The following RAB23 variants were observed in gnomAD, a reference collection of about 807,000 sequenced individuals.
The protein encoded by RAB23 is RAB23, member RAS oncogene family, also known as ras-related protein Rab-23.
A neutral mutation model predicts 30.0 loss-of-function variants in RAB23; 15 were observed. The observed-to-expected ratio is 0.50, with a 90% CI of 0.33 to 0.77. The LOEUF (loss-of-function observed/expected upper bound fraction) is 0.77, where lower values mean the gene tolerates loss of function less well. Among genes scored for constraint, RAB23 ranks in the 30% least tolerant of loss-of-function variants. The pLI, the probability that RAB23 is intolerant of heterozygous loss-of-function variation, is 0.02. For missense variants in RAB23, 243 were observed against 275.4 expected (o/e 0.88, Z 0.83); for synonymous variants, 93 against 94.0 (o/e 0.99, Z 0.06).
intron 6 of RAB23, among the ~76,000 whole-genome samples, 180 bp from the exon 7 acceptor site, chr6:57,190,780 A>G (rs1764810966): frequency 6.6e-6 from 1 of 152,212 alleles, no homozygotes; most frequent in Non-Finnish European, 1.5e-5. Flanking sequence ...GTGGTATTAA[A>G]TACATTTGTA....
chr6:57,215,187 A>C (rs1765792727), intron 1 of RAB23, among the ~76,000 whole-genome samples: 1 of 152,198 alleles, frequency 6.6e-6, no homozygotes, highest in African/African-American at 2.4e-5. Context: ...AAAATCAGAT[A>C]TTTCTGTCAT....
chr6:57,210,725 CCTGATTATTTAAAGGTGCCACTTACTAGT>C (rs1011423639), intron 1 of RAB23, among the ~76,000 whole-genome samples: 19 of 152,270 alleles, frequency 1.2e-4, no homozygotes, highest in South Asian at 4.1e-4. Flanking sequence ...AGATTTGATG[CCTGATTATTTAAAGGTGCCACTTACTAGT>C]TCTGTGCTCT....
chr6:57,192,709 G>GA (rs1247203533), intron 6 of RAB23, among the ~76,000 whole-genome samples: 3 of 152,138 alleles, frequency 2.0e-5, no homozygotes, highest in African/African-American at 7.2e-5. Flanking sequence ...ACAACACAGT[G>GA]AGACTCTGTT....
chr6:57,208,589 T>C (rs1308477031), intron 2 of RAB23, among the ~76,000 whole-genome samples: 1 of 128,532 alleles, frequency 7.8e-6, no homozygotes, highest in Non-Finnish European at 1.5e-5. Flanking sequence ...GGAGCACCAC[T>C]GCAGTCCAGC....
intron 6 of RAB23, among the ~76,000 whole-genome samples, chr6:57,193,085 G>A (rs1764901529): frequency 6.6e-6 from 1 of 151,782 alleles, no homozygotes; most frequent in Non-Finnish European, 1.5e-5. Flanking sequence ...ATATGAAGAA[G>A]ACAAAAGGGG....
At chr6:57,195,249 A>T (rs1764979944) in intron 4 of RAB23, among the ~76,000 whole-genome samples, 1 of 152,200 alleles carries the variant, frequency 6.6e-6, no homozygotes, top group Non-Finnish European at 1.5e-5. Flanking sequence ...CCTGTAGTTA[A>T]TTACACTCTG....
chr6:57,194,680 C>A, intron 5 of RAB23, 90 bp downstream of exon 5: 1 of 976,524 alleles, frequency 1.0e-6, no homozygotes, highest in South Asian at 1.6e-5. Flanking sequence ...ATCTTGTTCT[C>A]GTTATAAATA....
rs764796730 is a variant in RAB23 at position 57,196,467 on chromosome 6, A to G, written c.381T>C (p.Asp127=). ...VLVQNKIDLL[D]DSCIKNEEAE... Reference sequence around the variant, plus strand: ...CATCTTACTTCTTTATACAAGAATCATCCAGAAGATCAATCTTGTTTTGCA... The same window carrying G: ...CATCTTACTTCTTTATACAAGAATCGTCCAGAAGATCAATCTTGTTTTGCA... The change falls in exon 4 of 7, where the codon GAT becomes GAC. Residue 127 remains aspartate, a synonymous_variant. Coordinates refer to ENST00000468148, the MANE Select transcript of RAB23 (RefSeq NM_016277.5). 1 of 1,614,020 alleles carries G rather than the reference A, an allele frequency of 6.2e-7. No individual in the cohort carries two copies. The highest frequency in any genetic ancestry group is 8.5e-7 in the Non-Finnish European group (1 of 1,179,930).
intron 3 of RAB23, among the ~76,000 whole-genome samples, chr6:57,198,709 A>G (rs1043853067): frequency 1.3e-5 from 2 of 152,048 alleles, no homozygotes; most frequent in Admixed American, 6.6e-5. Flanking sequence ...GTTCTTTATC[A>G]TAAAACTCAA....
At chr6:57,197,089 T>G (rs141754293) in intron 3 of RAB23, among the ~76,000 whole-genome samples, 2 of 152,306 alleles carry the variant, frequency 1.3e-5, no homozygotes, top group African/African-American at 4.8e-5. Flanking sequence ...TCAGCGCAGA[T>G]TTAAGAAAAA....
rs1765025510 is a variant in RAB23, at chr6:57,196,462, G to T, written c.386C>A (p.Ser129Tyr). 2 of 1,613,770 alleles carry T rather than the reference G, an allele frequency of 1.2e-6. No individual in the cohort carries two copies. Among genetic ancestry groups the T allele is most frequent in the Admixed American group, 3.3e-5 (2 of 59,988 alleles). The change falls in exon 4 of 7, where the codon TCT becomes TAT. Residue 129 changes from serine (S) to tyrosine (Y), a missense_variant. Coordinates refer to ENST00000468148, the MANE Select transcript of RAB23 (RefSeq NM_016277.5). ...VQNKIDLLDD[S>Y]CIKNEEAEAL... ...GTAGCCATCTTACTTCTTTATACAA[G>T]AATCATCCAGAAGATCAATCTTGTT... is the stretch of plus-strand genomic sequence containing the variant.
Position 57,188,554 on chromosome 6 carries a change from T to TTA in RAB23, c.*1905_*1906dup, listed in dbSNP as rs1390079473. 1.3e-5 allele frequency: 2 copies of TTA among 152,120 alleles called. No individual in the cohort carries two copies. The highest frequency in any genetic ancestry group is 2.9e-5 in the Non-Finnish European group (2 of 68,018). The allele number at this position is 152,120 out of a possible 1,614,324, so 9.4% of individuals were successfully genotyped here. A position where few individuals can be genotyped will look rare whatever the true frequency, so the allele number is the denominator to read the frequency against. On this transcript the variant is annotated 3_prime_UTR_variant, in exon 7 of 7. Transcript: ENST00000468148. ...ACAAAAGACTATTTGTTGCAAAGTA[T>TTA]TATTTTGTGCAAAAATTAAAGAGGA...
At chr6:57,202,784 T>C (rs967806808) in intron 3 of RAB23, among the ~76,000 whole-genome samples, 3 of 152,206 alleles carry the variant, frequency 2.0e-5, no homozygotes, top group African/African-American at 4.8e-5. Flanking sequence ...CCCAAAGAGG[T>C]TTCCCAAAGG....
intron 1 of RAB23, among the ~76,000 whole-genome samples, chr6:57,214,398 T>G (rs564577203): frequency 1.3e-5 from 2 of 152,214 alleles, no homozygotes; most frequent in African/African-American, 4.8e-5. Context: ...CACTGCAGCC[T>G]CAACTTCCTG....
chr6:57,195,004 TAAA>T, intron 4 of RAB23, 152 bp from the exon 5 acceptor site: 1 of 649,328 alleles, frequency 1.5e-6, no homozygotes, highest in Non-Finnish European at 2.7e-6. Context: ...TATTTCTTTT[TAAA>T]AGAGCTTGAT....
In RAB23 at chr6:57,196,563, T is replaced by C. The variant is rs2127998702; in HGVS notation, c.285A>G (p.Glu95=). ...TCCAACTGGAAACTGCTTCAAAAGA[T>C]TCCCTATCTGTGGTAGAGAACACGA... The part of the protein sequence containing the change: ...CVLVFSTTDR[E]SFEAVSSWRE... Residue 95 remains glutamate, a synonymous_variant, in exon 4 of 7, where the codon GAA becomes GAG. Transcript: ENST00000468148. 3.7e-6 allele frequency: 6 copies of C among 1,614,014 alleles called. No homozygotes were observed. In the South Asian group the frequency reaches 6.6e-5, roughly 18 times the overall value.
chr6:57,205,606 C>G (rs1765430457), intron 3 of RAB23, among the ~76,000 whole-genome samples: 1 of 152,072 alleles, frequency 6.6e-6, no homozygotes, highest in Non-Finnish European at 1.5e-5. Flanking sequence ...GGATGAGGGC[C>G]ACAGAAAGTT....
At chr6:57,196,662 C>T (rs930457809) in intron 3 of RAB23, 56 bp from the exon 4 acceptor site, 4 of 1,572,680 alleles carry the variant, frequency 2.5e-6, no homozygotes, top group African/African-American at 1.4e-5. Context: ...TAACATATTA[C>T]ATTTACATTA....
Position 57,222,038 on chromosome 6 carries a change from G to C in RAB23, c.-378C>G, listed in dbSNP as rs1244113411. On this transcript the variant is annotated 5_prime_UTR_variant, in exon 1 of 7. Coordinates refer to ENST00000468148, the MANE Select transcript of RAB23 (RefSeq NM_016277.5). ...CGCTACTCACCGTCCCCCACCGGCC[G>C]CGGACCCGCCGCCCGGCGCCACCGG... 3 of 152,396 alleles carry C rather than the reference G, an allele frequency of 2.0e-5. No individual in the cohort carries two copies. Among genetic ancestry groups the C allele is most frequent in the Admixed American group, 6.5e-5 (1 of 15,284 alleles). 9.4% of individuals were successfully genotyped at this position (152,396 alleles called of 1,614,324 possible). A position where few individuals can be genotyped will look rare whatever the true frequency, so the allele number is the denominator to read the frequency against.
Sources: gnomAD v4.1 joint callset for allele counts (sites outside exome capture counted in the v4.1 genomes callset) on GRCh38, gnomAD v4.1.1 for gene constraint, MANE v1.5 for transcripts, NCBI Gene and HGNC (gene_info 2026-07-23, HGNC 2026-07-21) for gene names.